The following ESR1 variants were observed in gnomAD, a reference collection of about 807,000 sequenced individuals.
ESR1 encodes estrogen receptor 1, also known as estrogen receptor.
ESR1 carries 12 observed loss-of-function variants against 52.7 expected under a neutral mutation model. That is an observed-to-expected ratio of 0.23 (90% CI 0.15 to 0.37). The LOEUF (loss-of-function observed/expected upper bound fraction) is 0.37. ESR1 is among the 10% of genes least tolerant of loss of function. The pLI is 1.00. For synonymous variants in ESR1, 305 were observed against 316.8 expected (o/e 0.96, Z 0.39); for missense variants, 584 against 779.7 (o/e 0.75, Z 2.99).
At chr6:151,979,062 C>T (rs557927365) in intron 4 of ESR1, among the ~76,000 whole-genome samples, 1 of 152,280 alleles carries the variant, frequency 6.6e-6, no homozygotes, top group East Asian at 1.9e-4. Flanking sequence ...TTGAAGTGCT[C>T]TATGCATCTT....
chr6:151,912,973 G>A (rs1798507707), intron 3 of ESR1, among the ~76,000 whole-genome samples: 1 of 151,878 alleles, frequency 6.6e-6, no homozygotes, highest in South Asian at 2.1e-4. Context: ...AATGCATGTG[G>A]GGCTTAAAAC....
intron 2 of ESR1, among the ~76,000 whole-genome samples, chr6:151,754,006 G>A (rs1204942026): frequency 1.3e-5 from 2 of 152,170 alleles, no homozygotes; most frequent in African/African-American, 2.4e-5. Flanking sequence ...CTGGAGAGGA[G>A]TCAGAGATTG....
intron 3 of ESR1, among the ~76,000 whole-genome samples, chr6:151,904,359 T>C (rs1797131541): frequency 6.6e-6 from 1 of 152,222 alleles, no homozygotes; most frequent in South Asian, 2.1e-4. Flanking sequence ...ATGAATAATT[T>C]TGTTAGCAGC....
chr6:152,071,784 A>G (rs540302372), intron 6 of ESR1, among the ~76,000 whole-genome samples: 1 of 152,298 alleles, frequency 6.6e-6, no homozygotes, highest in South Asian at 2.1e-4. Flanking sequence ...CACGTAAGTG[A>G]TTTCTCTTTC....
intron 4 of ESR1, among the ~76,000 whole-genome samples, chr6:152,001,806 A>G (rs1287002123): frequency 1.3e-5 from 2 of 151,932 alleles, no homozygotes; most frequent in African/African-American, 4.8e-5. Context: ...TTGTTGCTGA[A>G]ATTTGTGTAG....
At chr6:151,716,818 C>A (rs1052259309) in intron 2 of ESR1, among the ~76,000 whole-genome samples, 1 of 152,158 alleles carries the variant, frequency 6.6e-6, no homozygotes, top group Non-Finnish European at 1.5e-5. Context: ...CTGGCTTCAG[C>A]CCCCTTTTCT....
In ESR1 at chr6:151,807,945, G is replaced by A; in HGVS notation, c.33G>A (p.Gly11=). 1.2e-6 allele frequency: 2 copies of A among 1,613,962 alleles called. No individual in the cohort carries two copies. The highest frequency in any genetic ancestry group is 1.7e-6 in the Non-Finnish European group (2 of 1,179,984). ...TGACCCTCCACACCAAAGCATCTGG[G>A]ATGGCCCTACTGCATCAGATCCAAG... MTMTLHTKAS[G]MALLHQIQGN... The change falls in exon 1 of 8, where the codon GGG becomes GGA. Residue 11 remains glycine, a synonymous_variant. Transcript: ENST00000206249.
chr6:151,785,709 G>C (rs967010375), intron 2 of ESR1, among the ~76,000 whole-genome samples: 1 of 152,072 alleles, frequency 6.6e-6, no homozygotes, highest in Non-Finnish European at 1.5e-5. Flanking sequence ...CGTCACTCTG[G>C]GCAAGCCATT....
At chr6:151,865,908 C>T (rs1203638167) in intron 2 of ESR1, among the ~76,000 whole-genome samples, 2 of 152,208 alleles carry the variant, frequency 1.3e-5, no homozygotes, top group Admixed American at 6.5e-5. Context: ...AAGCCAAACA[C>T]CCTTGAGAAA....
intron 4 of ESR1, among the ~76,000 whole-genome samples, chr6:151,961,149 C>T (rs2037611489): frequency 6.6e-6 from 1 of 151,886 alleles, no homozygotes; most frequent in Non-Finnish European, 1.5e-5. Context: ...GTTATGGGTC[C>T]TCAGCATAGA....
chr6:152,088,690 G>T (rs551468162), intron 6 of ESR1, among the ~76,000 whole-genome samples: 22 of 152,192 alleles, frequency 1.4e-4, no homozygotes, highest in Non-Finnish European at 3.1e-4. Context: ...AGAGTCCCCA[G>T]CAGAAAGAAG....
intron 2 of ESR1, among the ~76,000 whole-genome samples, chr6:151,860,121 TTTA>T (rs1423873800): frequency 1.3e-5 from 2 of 152,216 alleles, no homozygotes; most frequent in Non-Finnish European, 2.9e-5. Flanking sequence ...TACTTTTCTC[TTTA>T]TTATTTTTAA....
In ESR1 at chr6:151,819,644, G is replaced by A. The variant is rs116391786; in HGVS notation, c.452+11280G>A. On this transcript the variant is annotated intron_variant, in intron 1 of 7. Transcript: ENST00000206249. ...GGACTGTCTAGTTGCAGGAAAACAA[G>A]TTCAGGGCTCTCACTGAATCTACAT... 5.5e-3 allele frequency among the ~76,000 whole-genome samples: 836 copies of A among 152,276 alleles called. 9 individuals carry two copies. Among genetic ancestry groups the A allele is most frequent in the African/African-American group, 0.019 (785 of 41,542 alleles).
intron 2 of ESR1, among the ~76,000 whole-genome samples, chr6:151,872,697 A>G (rs1470750071): frequency 6.6e-6 from 1 of 152,134 alleles, no homozygotes; most frequent in Non-Finnish European, 1.5e-5. Context: ...TGCTATTCCC[A>G]TACTCCCTCT....
chr6:151,670,468 C>A (rs1013389479), intron 1 of ESR1, among the ~76,000 whole-genome samples: 11 of 152,192 alleles, frequency 7.2e-5, no homozygotes, highest in Non-Finnish European at 1.5e-5. Flanking sequence ...ATCACAGTAT[C>A]CTTGGCTCCT....
chr6:151,765,943 C>T (rs916877614), intron 2 of ESR1, among the ~76,000 whole-genome samples: 4 of 152,260 alleles, frequency 2.6e-5, no homozygotes, highest in African/African-American at 9.6e-5. Context: ...CATGGTGATT[C>T]CAAGAGACTC....
At chr6:151,890,403 T>G (rs1035542594) in intron 3 of ESR1, among the ~76,000 whole-genome samples, 1 of 152,198 alleles carries the variant, frequency 6.6e-6, no homozygotes, top group East Asian at 1.9e-4. Flanking sequence ...TATACTGTTT[T>G]ATCTAACATT....
chr6:151,988,301 T>G (rs1372118927), intron 4 of ESR1, among the ~76,000 whole-genome samples: 1 of 151,832 alleles, frequency 6.6e-6, no homozygotes, highest in Non-Finnish European at 1.5e-5. Flanking sequence ...TCATAAGGAG[T>G]GCACAACCTA....
chr6:151,927,663 A>C (rs1332201979), intron 3 of ESR1, among the ~76,000 whole-genome samples: 3 of 152,164 alleles, frequency 2.0e-5, no homozygotes, highest in Admixed American at 6.5e-5. Flanking sequence ...TTTAATCTCC[A>C]AGAGACCAGT....
Sources: allele counts gnomAD v4.1 joint callset (sites outside exome capture counted in the v4.1 genomes callset), GRCh38; gene constraint gnomAD v4.1.1; transcripts MANE v1.5; gene names NCBI Gene and HGNC (gene_info 2026-07-23, HGNC 2026-07-21).